ANKRD11: variants seen among roughly 807,000 people sequenced by gnomAD.
ANKRD11 encodes ankyrin repeat domain-containing protein 11.
In ANKRD11, 17 loss-of-function variants were observed where a neutral mutation model predicts 195.7. That is an observed-to-expected ratio of 0.09 (90% confidence interval 0.06 to 0.13). The LOEUF (loss-of-function observed/expected upper bound fraction) is 0.13, where lower values mean the gene tolerates loss of function less well. Ranked by LOEUF, ANKRD11 falls within the 10% of genes least tolerant of loss-of-function variation. The pLI is 1.00. For missense variants in ANKRD11, 3,735 were observed against 3,566.1 expected (o/e 1.05, Z -1.21); for synonymous variants, 1,953 against 1,528.1 (o/e 1.28, Z -6.49).
chr16:89,310,515 T>C (rs950871408), intron 3 of ANKRD11, among the ~76,000 whole-genome samples: 11 of 152,254 alleles, frequency 7.2e-5, no homozygotes, highest in African/African-American at 2.7e-4. Flanking sequence ...ACACTGAATC[T>C]GTACATCAAT....
In ANKRD11 at chr16:89,282,888, C is replaced by G. The variant is rs755449373; in HGVS notation, c.3654G>C (p.Lys1218Asn). 1 of 1,612,956 alleles carries G rather than the reference C, an allele frequency of 6.2e-7. No individual in the cohort carries two copies. Among genetic ancestry groups the G allele is most frequent in the African/African-American group, 1.3e-5 (1 of 74,930 alleles). Reference protein sequence around the residue: ...KKDKESTEKYKDRKDRASVDS... With the variant: ...KKDKESTEKYNDRKDRASVDS... ...CCACTGAGGCTCTGTCCTTCCTGTC[C>G]TTGTACTTTTCTGTGGACTCTTTAT... is the stretch of plus-strand genomic sequence containing the variant. Residue 1218 changes from lysine to asparagine, a missense_variant, in exon 9 of 13, where the codon AAG (lysine) becomes AAC (asparagine). By Grantham distance (94) the Lys-to-Asn change is moderately conservative. Transcript: ENST00000301030.
chr16:89,431,985 C>A (rs1296725105), intron 1 of ANKRD11, among the ~76,000 whole-genome samples: 1 of 152,122 alleles, frequency 6.6e-6, no homozygotes, highest in Non-Finnish European at 1.5e-5. Context: ...TTCCAGCTCC[C>A]CCCCATCACT....
chr16:89,488,521 C>T (rs1455210606), intron 1 of ANKRD11, among the ~76,000 whole-genome samples: 1 of 150,416 alleles, frequency 6.6e-6, no homozygotes, highest in Non-Finnish European at 1.5e-5. Flanking sequence ...TAACAGAACT[C>T]GAAGTCTTCC....
intron 1 of ANKRD11, among the ~76,000 whole-genome samples, chr16:89,423,173 G>C (rs958923005): frequency 6.6e-6 from 1 of 152,246 alleles, no homozygotes; most frequent in East Asian, 1.9e-4. Context: ...GTCCATGTTA[G>C]CAAAGACAGG....
intron 1 of ANKRD11, among the ~76,000 whole-genome samples, chr16:89,473,570 G>A (rs1158970711): frequency 2.0e-5 from 3 of 152,200 alleles, no homozygotes; most frequent in Non-Finnish European, 4.4e-5. Flanking sequence ...TTCTACTTCC[G>A]TTCTACAAGT....
At chr16:89,458,283 G>A (rs1294561165) in intron 1 of ANKRD11, among the ~76,000 whole-genome samples, 1 of 151,160 alleles carries the variant, frequency 6.6e-6, no homozygotes, top group Admixed American at 6.6e-5. Context: ...GGAGTGCAGT[G>A]GCGCGATCTC....
intron 2 of ANKRD11, among the ~76,000 whole-genome samples, chr16:89,330,976 C>CA (rs1241942501): frequency 4.9e-4 from 74 of 152,324 alleles, no homozygotes; most frequent in African/African-American, 1.7e-3. Context: ...TTTCTTGAGA[C>CA]GGAGTCTCAC....
At chr16:89,374,344 AAT>A (rs1302591420) in intron 2 of ANKRD11, among the ~76,000 whole-genome samples, 1 of 149,620 alleles carries the variant, frequency 6.7e-6, no homozygotes, top group African/African-American at 2.5e-5. Flanking sequence ...TTGTAAAAAA[AAT>A]AATAATAATA....
At chr16:89,456,987 T>C (rs2056467133) in intron 1 of ANKRD11, among the ~76,000 whole-genome samples, 1 of 137,188 alleles carries the variant, frequency 7.3e-6, no homozygotes, top group South Asian at 2.4e-4. Context: ...TGAGACGGAG[T>C]CTCGCTCTGT....
intron 9 of ANKRD11, chr16:89,278,846 T>G: frequency 1.3e-6 from 1 of 754,838 alleles, no homozygotes; most frequent in East Asian, 2.8e-5. Flanking sequence ...GACCGAGGCC[T>G]GGCACGGACC....
intron 6 of ANKRD11, among the ~76,000 whole-genome samples, chr16:89,290,105 A>C (rs1484863570): frequency 6.6e-6 from 1 of 152,264 alleles, no homozygotes; most frequent in African/African-American, 2.4e-5. Context: ...ATTTCTTCTC[A>C]GCAACAGGGA....
At chr16:89,380,002 C>A (rs2040576824) in intron 2 of ANKRD11, among the ~76,000 whole-genome samples, 1 of 152,220 alleles carries the variant, frequency 6.6e-6, no homozygotes, top group African/African-American at 2.4e-5. Flanking sequence ...CCAAACCCCT[C>A]AAGCTTCAGT....
At chr16:89,313,497 G>T in intron 3 of ANKRD11, 1 of 1,289,200 alleles carries the variant, frequency 7.8e-7, no homozygotes, top group Non-Finnish European at 1.0e-6. Context: ...AAGCCGTCAG[G>T]TCAGCGCGGC....
chr16:89,301,672 C>T (rs1303580107), intron 4 of ANKRD11: 3 of 398,590 alleles, frequency 7.5e-6, no homozygotes, highest in Non-Finnish European at 1.3e-5. Context: ...CACATGCTCA[C>T]GTCTGCCTGG....
chr16:89,489,860 A>C (rs1462028469), intron 1 of ANKRD11, among the ~76,000 whole-genome samples: 5 of 21,920 alleles, frequency 2.3e-4, no homozygotes, highest in East Asian at 1.2e-3. Context: ...CGGAGCCCCC[A>C]ATCGGCCCCT....
chr16:89,480,092 C>G (rs2057395576), intron 1 of ANKRD11, among the ~76,000 whole-genome samples: 1 of 150,816 alleles, frequency 6.6e-6, no homozygotes, highest in Non-Finnish European at 1.5e-5. Flanking sequence ...GCCTGGGCAA[C>G]AGAGCAAGAC....
At chr16:89,355,738 C>T (rs953802135) in intron 2 of ANKRD11, among the ~76,000 whole-genome samples, 11 of 152,222 alleles carry the variant, frequency 7.2e-5, no homozygotes, top group African/African-American at 2.7e-4. Flanking sequence ...ATCCACCCGT[C>T]GAGGGCAGGT....
intron 4 of ANKRD11, among the ~76,000 whole-genome samples, chr16:89,303,799 A>G (rs1439414546): frequency 6.6e-6 from 1 of 152,134 alleles, no homozygotes; most frequent in Non-Finnish European, 1.5e-5. Flanking sequence ...GTGCTGACAA[A>G]AGCTGGGGTG....
chr16:89,311,674 G>C (rs970519393), intron 3 of ANKRD11, among the ~76,000 whole-genome samples: 13 of 152,106 alleles, frequency 8.5e-5, no homozygotes, highest in African/African-American at 3.1e-4. Context: ...CCAAAGATAG[G>C]ATTTTAAAAG....
Sources: allele counts gnomAD v4.1 joint callset (sites outside exome capture counted in the v4.1 genomes callset), GRCh38; gene constraint gnomAD v4.1.1; transcripts MANE v1.5; gene names NCBI Gene and HGNC (gene_info 2026-07-23, HGNC 2026-07-21).